Variants in PTK2 observed in about 807,000 individuals in gnomAD.
The protein encoded by PTK2 is focal adhesion kinase 1.
Under a neutral mutation model 150.1 loss-of-function variants are expected in PTK2, and 45 were observed. The ratio of observed to expected loss-of-function variants is 0.30; its 90% confidence interval spans 0.24 to 0.38. The LOEUF (loss-of-function observed/expected upper bound fraction) is 0.38, where lower values mean the gene tolerates loss of function less well. Among genes scored for constraint, PTK2 ranks in the 10% least tolerant of loss-of-function variants. The pLI, the probability that PTK2 is intolerant of heterozygous loss-of-function variation, is 1.00. For missense variants in PTK2, 919 were observed against 1,307.3 expected (o/e 0.70, Z 4.58); for synonymous variants, 432 against 449.2 (o/e 0.96, Z 0.48).
intron 2 of PTK2, among the ~76,000 whole-genome samples, chr8:140,921,682 A>G (rs576774212): frequency 6.6e-6 from 1 of 152,336 alleles, no homozygotes; most frequent in African/African-American, 2.4e-5. Context: ...AGGTAGCCAC[A>G]TTCTTTAACA....
chr8:140,906,132 T>G (rs2100160776), intron 2 of PTK2, among the ~76,000 whole-genome samples: 1 of 151,918 alleles, frequency 6.6e-6, no homozygotes, highest in Non-Finnish European at 1.5e-5. Flanking sequence ...AACACTACTA[T>G]CATCAGGAAA....
chr8:140,751,078 C>CA (rs888528613), intron 17 of PTK2, among the ~76,000 whole-genome samples: 67 of 144,648 alleles, frequency 4.6e-4, no homozygotes, highest in East Asian at 8.0e-4. Flanking sequence ...GACACTGCCT[C>CA]AAAAAAAAAA....
intron 14 of PTK2, 81 bp from the exon 15 acceptor site, chr8:140,770,880 A>G: frequency 1.8e-6 from 1 of 568,672 alleles, no homozygotes. Context: ...TTACATTTAA[A>G]GGCTTATCTA....
chr8:140,885,843 A>C (rs1397424636), intron 3 of PTK2, among the ~76,000 whole-genome samples: 1 of 152,160 alleles, frequency 6.6e-6, no homozygotes, highest in African/African-American at 2.4e-5. Flanking sequence ...TGAGACTCTC[A>C]AAGGACGTGC....
intron 5 of PTK2, among the ~76,000 whole-genome samples, chr8:140,862,024 G>A (rs2100136454): frequency 6.6e-6 from 1 of 152,106 alleles, no homozygotes; most frequent in Non-Finnish European, 1.5e-5. Context: ...GAAAATCTGG[G>A]ATACATTGGT....
At chr8:140,863,347 T>C (rs1226490170) in intron 5 of PTK2, among the ~76,000 whole-genome samples, 2 of 152,184 alleles carry the variant, frequency 1.3e-5, no homozygotes, top group African/African-American at 4.8e-5. Flanking sequence ...CTATCCCTGA[T>C]ACTGCCATCT....
chr8:140,897,252 C>CA lies in PTK2; in HGVS notation c.-32-6484dup, dbSNP rs1362246306. Reference sequence around the variant, plus strand: ...AAACAGGCCTTCATAAATAGGTCTTCAAAAAATAGGCCAAAACATTTTTTT... The same window carrying CA: ...AAACAGGCCTTCATAAATAGGTCTTCAAAAAAATAGGCCAAAACATTTTTTT... On this transcript the variant is annotated intron_variant, in intron 2 of 31. Coordinates refer to ENST00000522684, the Ensembl canonical transcript of PTK2. Among the ~76,000 whole-genome samples the CA allele has an allele frequency of 6.6e-5, 10 of 152,014 alleles. No individual in the cohort carries two copies. The South Asian group carries it at 2.1e-3, about 32-fold the overall frequency.
In PTK2 at chr8:140,911,403, G is replaced by A. The variant is rs540767059; in HGVS notation, c.-33+14258C>T. 2.6e-5 allele frequency among the ~76,000 whole-genome samples: 4 copies of A among 151,936 alleles called. No individual in the cohort carries two copies. The South Asian group carries it at 6.2e-4, about 24-fold the overall frequency. On this transcript the variant is annotated intron_variant, in intron 2 of 31. Transcript: ENST00000522684. ...TTTGTTCACATCTAGTCTTTTCACT[G>A]TTTTTTTAAGAAACTGGTTTAATGT...
chr8:140,904,421 G>T (rs1001371130), intron 2 of PTK2, among the ~76,000 whole-genome samples: 2 of 152,042 alleles, frequency 1.3e-5, no homozygotes, highest in South Asian at 4.1e-4. Flanking sequence ...GAGGATTTTC[G>T]CATCGATGTT....
At chr8:140,777,689 A>C (rs1203825900) in intron 14 of PTK2, among the ~76,000 whole-genome samples, 1 of 152,182 alleles carries the variant, frequency 6.6e-6, no homozygotes, top group African/African-American at 2.4e-5. Context: ...TTTTTCAGGA[A>C]GTAGGGGGCA....
chr8:140,915,476 T>C (rs560985908), intron 2 of PTK2, among the ~76,000 whole-genome samples: 39 of 152,252 alleles, frequency 2.6e-4, no homozygotes, highest in African/African-American at 8.9e-4. Flanking sequence ...ATATAATTTA[T>C]TGCCCAAACC....
intron 4 of PTK2, 62 bp from the exon 5 acceptor site, chr8:140,864,461 C>A: frequency 1.0e-6 from 1 of 954,546 alleles, no homozygotes; most frequent in Non-Finnish European, 1.6e-6. Context: ...TTACAGTCTA[C>A]AATTATAATA....
intron 31 of PTK2, chr8:140,662,684 T>C: frequency 1.7e-6 from 1 of 582,014 alleles, no homozygotes; most frequent in Non-Finnish European, 3.3e-6. Flanking sequence ...CCAACCGTCC[T>C]TCAGAAGTCA....
chr8:140,815,086 T>A (rs1465695923), intron 10 of PTK2, among the ~76,000 whole-genome samples: 4 of 152,142 alleles, frequency 2.6e-5, no homozygotes, highest in African/African-American at 9.7e-5. Context: ...ATTGTTCTTT[T>A]ATAAAGACAC....
intron 20 of PTK2, 48 bp downstream of exon 23, chr8:140,743,182 C>A: frequency 8.0e-7 from 1 of 1,249,900 alleles, no homozygotes; most frequent in South Asian, 1.2e-5. Flanking sequence ...TTTAGAAATA[C>A]GTTAAAGATT....
intron 1 of PTK2, among the ~76,000 whole-genome samples, chr8:140,942,050 T>C (rs1364748314): frequency 1.3e-5 from 2 of 151,320 alleles, no homozygotes; most frequent in African/African-American, 4.9e-5. Context: ...CCACCACACC[T>C]GGCTAATTTT....
intron 14 of PTK2, among the ~76,000 whole-genome samples, chr8:140,772,040 T>C (rs1354736253): frequency 2.6e-5 from 4 of 152,000 alleles, no homozygotes; most frequent in African/African-American, 9.7e-5. Context: ...CTGCGCACAC[T>C]GGCCTCCCAA....
At chr8:140,904,065 C>T (rs1252421094) in intron 2 of PTK2, among the ~76,000 whole-genome samples, 1 of 152,164 alleles carries the variant, frequency 6.6e-6, no homozygotes, top group African/African-American at 2.4e-5. Flanking sequence ...GAGACGGCAT[C>T]CTTGTCTTGT....
intron 29 of PTK2, 59 bp from the exon 33 acceptor site, chr8:140,669,794 A>C: frequency 6.8e-7 from 1 of 1,478,978 alleles, no homozygotes; most frequent in Non-Finnish European, 9.1e-7. Context: ...AAGGGAAAAA[A>C]GAAAAACAAT....
Sources: gnomAD v4.1 joint callset for allele counts (sites outside exome capture counted in the v4.1 genomes callset) on GRCh38, gnomAD v4.1.1 for gene constraint, MANE v1.5 for transcripts, NCBI Gene and HGNC (gene_info 2026-07-23, HGNC 2026-07-21) for gene names.